SVIL: variants seen among roughly 807,000 people sequenced by gnomAD.
SVIL encodes archvillin.
A neutral mutation model predicts 240.4 loss-of-function variants in SVIL; 101 were observed. That is an observed-to-expected ratio of 0.42 (90% CI 0.36 to 0.50). The LOEUF is 0.50. Ranked by LOEUF, SVIL falls within the 20% of genes least tolerant of loss-of-function variation. The pLI is 0.01. For synonymous variants in SVIL, 999 were observed against 1,100.0 expected, an observed-to-expected ratio of 0.91 and a Z score of 1.82; for missense variants, 2,512 against 2,818.7, an observed-to-expected ratio of 0.89 and a Z score of 2.46.
chr10:29,736,278 T>C (rs1564375513), upstream of SVIL, among the ~76,000 whole-genome samples: 1 of 152,200 alleles, frequency 6.6e-6, no homozygotes, highest in Non-Finnish European at 1.5e-5. Flanking sequence ...CGTCCTATCT[T>C]AAAACACCGG....
intron 2 of SVIL, among the ~76,000 whole-genome samples, chr10:29,679,714 C>T (rs1297107898): frequency 2.6e-5 from 4 of 151,706 alleles, no homozygotes; most frequent in Non-Finnish European, 5.9e-5. Flanking sequence ...CACCACCATG[C>T]CCCGCCAAGC....
chr10:29,554,557 G>A (rs142567480), intron 5 of SVIL, among the ~76,000 whole-genome samples: 17 of 152,214 alleles, frequency 1.1e-4, no homozygotes, highest in East Asian at 1.9e-4. Flanking sequence ...AGGCTGGGGC[G>A]GGAGAACCCT....
At chr10:29,727,539 T>A (rs968689864) in intron 1 of SVIL, among the ~76,000 whole-genome samples, 5 of 152,144 alleles carry the variant, frequency 3.3e-5, no homozygotes, top group African/African-American at 1.2e-4. Flanking sequence ...CCGGTCAAAC[T>A]GTAAACACGC....
At chr10:29,459,216 C>T (rs1253295958) in intron 36 of SVIL, among the ~76,000 whole-genome samples, 1 of 152,228 alleles carries the variant, frequency 6.6e-6, no homozygotes, top group East Asian at 1.9e-4. Flanking sequence ...CTCAAGCAGT[C>T]CTCCCACCTC....
intron 36 of SVIL, among the ~76,000 whole-genome samples, chr10:29,459,235 T>C (rs1196745382): frequency 6.6e-6 from 1 of 152,194 alleles, no homozygotes; most frequent in Non-Finnish European, 1.5e-5. Context: ...TCAAGCCTCC[T>C]GAGTAGCTGG....
intron 2 of SVIL, among the ~76,000 whole-genome samples, chr10:29,567,290 C>T (rs185406380): frequency 1.8e-4 from 28 of 152,320 alleles, no homozygotes; most frequent in African/African-American, 6.7e-4. Context: ...TTTTTCACAA[C>T]GTGGAATATG....
chr10:29,632,255 C>T (rs1589426573), intron 1 of SVIL, among the ~76,000 whole-genome samples: 2 of 152,152 alleles, frequency 1.3e-5, no homozygotes, highest in South Asian at 2.1e-4. Context: ...TTTGGGAGGC[C>T]GAGCGCTGGT....
intron 1 of SVIL, among the ~76,000 whole-genome samples, chr10:29,582,908 G>A (rs1455391101): frequency 6.6e-6 from 1 of 152,174 alleles, no homozygotes; most frequent in Non-Finnish European, 1.5e-5. Flanking sequence ...GGAAGGGGCT[G>A]ACTTGATTAC....
chr10:29,667,714 G>A (rs550279238), intron 2 of SVIL, among the ~76,000 whole-genome samples: 3 of 152,170 alleles, frequency 2.0e-5, no homozygotes, highest in African/African-American at 4.8e-5. Context: ...GCCAGGTGTG[G>A]TGGTGCAGTG....
chr10:29,458,237 G>A lies in SVIL; in HGVS notation c.*10C>T, dbSNP rs376294931. 45 of 1,613,784 alleles carry A rather than the reference G, an allele frequency of 2.8e-5. No individual in the cohort carries two copies. Among genetic ancestry groups the A allele is most frequent in the Admixed American group, 5.0e-5 (3 of 59,970 alleles). On this transcript the variant is annotated 3_prime_UTR_variant, in exon 38 of 38. Coordinates refer to ENST00000355867, the MANE Select transcript of SVIL (RefSeq NM_021738.3). Reference sequence around the variant, plus strand: ...GACGTGACCGTGAGGCTCCTCTGGCGTCTCCCCACTCAGAACAGGCCTTTT... The same window carrying A: ...GACGTGACCGTGAGGCTCCTCTGGCATCTCCCCACTCAGAACAGGCCTTTT...
At chr10:29,711,358 C>T (rs777291236) in intron 1 of SVIL, among the ~76,000 whole-genome samples, 2 of 152,178 alleles carry the variant, frequency 1.3e-5, no homozygotes, top group Non-Finnish European at 2.9e-5. Flanking sequence ...TGAGATCGTG[C>T]CACTGCACTC....
At chr10:29,475,396 A>C (rs1459729908) in intron 29 of SVIL, 1 of 152,222 alleles carries the variant, frequency 6.6e-6, no homozygotes, top group Non-Finnish European at 1.5e-5. Context: ...TCATTCGTTC[A>C]TGCATTCAAC....
chr10:29,579,462 A>T lies in SVIL; in HGVS notation c.-200-10150T>A, dbSNP rs567787539. On this transcript the variant is annotated intron_variant, in intron 1 of 37. Transcript: ENST00000355867. The stretch of plus-strand genomic sequence containing the variant: ...CAAAAAAACAAAACAAACAAACAAA[A>T]CAAAAAACAAAAAACAAAAACGGGG... 1.3e-4 allele frequency among the ~76,000 whole-genome samples: 20 copies of T among 150,442 alleles called. 1 individual carries two copies. The highest frequency in any genetic ancestry group is 1.1e-3 in the Admixed American group (17 of 15,088).
intron 1 of SVIL, among the ~76,000 whole-genome samples, chr10:29,731,343 T>G (rs536778841): frequency 6.6e-6 from 1 of 152,310 alleles, no homozygotes; most frequent in East Asian, 1.9e-4. Context: ...AAGCAACAAC[T>G]TCTTATAAAC....
At chr10:29,657,542 A>G (rs1334376185) in intron 3 of SVIL, among the ~76,000 whole-genome samples, 1 of 152,164 alleles carries the variant, frequency 6.6e-6, no homozygotes, top group Non-Finnish European at 1.5e-5. Context: ...AGGCAGGTCA[A>G]ATAGCACAGT....
chr10:29,564,381 G>A (rs553678937), intron 2 of SVIL, among the ~76,000 whole-genome samples: 2 of 152,316 alleles, frequency 1.3e-5, no homozygotes, highest in South Asian at 4.1e-4. Flanking sequence ...GGTCTTTGAT[G>A]TGGTCGGAGC....
upstream of SVIL, among the ~76,000 whole-genome samples, chr10:29,636,101 T>G (rs965681574): frequency 8.0e-5 from 12 of 149,592 alleles, no homozygotes; most frequent in African/African-American, 2.8e-4. Flanking sequence ...CCCAGTCAAC[T>G]GTTTTTTTTT....
intron 1 of SVIL, among the ~76,000 whole-genome samples, chr10:29,688,053 G>A (rs1349747929): frequency 6.6e-6 from 1 of 152,082 alleles, no homozygotes; most frequent in Non-Finnish European, 1.5e-5. Flanking sequence ...CCGGTAGAAG[G>A]GGAAAGTGTC....
intron 6 of SVIL, among the ~76,000 whole-genome samples, chr10:29,542,620 T>A (rs1247626777): frequency 6.6e-6 from 1 of 152,202 alleles, no homozygotes; most frequent in Non-Finnish European, 1.5e-5. Context: ...GTAATAATCA[T>A]GTCATGGAGA....
Sources: gnomAD v4.1 joint callset for allele counts (sites outside exome capture counted in the v4.1 genomes callset) on GRCh38, gnomAD v4.1.1 for gene constraint, MANE v1.5 for transcripts, NCBI Gene and HGNC (gene_info 2026-07-23, HGNC 2026-07-21) for gene names.